The following FAM107B variants were observed in gnomAD, a reference collection of about 807,000 sequenced individuals.
FAM107B encodes protein FAM107B.
FAM107B carries 21 observed loss-of-function variants against 31.5 expected under a neutral mutation model. The observed-to-expected ratio is 0.67, with a 90% confidence interval of 0.47 to 0.96. The LOEUF (loss-of-function observed/expected upper bound fraction) is 0.96, where lower values mean the gene tolerates loss of function less well. Among genes scored for constraint, FAM107B ranks in the 40% least tolerant of loss-of-function variants. The pLI, the probability that FAM107B is intolerant of heterozygous loss-of-function variation, is 0.00. For synonymous variants in FAM107B, 157 were observed against 141.5 expected (o/e 1.11, Z -0.78); for missense variants, 452 against 377.1 (o/e 1.20, Z -1.64).
chr10:14,527,513 TA>T (rs1846417785), intron 3 of FAM107B, among the ~76,000 whole-genome samples: 1 of 152,266 alleles, frequency 6.6e-6, no homozygotes, highest in African/African-American at 2.4e-5. Flanking sequence ...GTAGCAAAGG[TA>T]TAAGTCTCCA....
chr10:14,758,270 T>C (rs1832969189), intron 1 of FAM107B, among the ~76,000 whole-genome samples: 2 of 152,150 alleles, frequency 1.3e-5, no homozygotes, highest in Admixed American at 6.5e-5. Flanking sequence ...CCTTAAGGAA[T>C]TTAGAAAATT....
chr10:14,566,190 A>G (rs188800226), intron 2 of FAM107B, among the ~76,000 whole-genome samples: 146 of 152,336 alleles, frequency 9.6e-4, no homozygotes, highest in African/African-American at 3.4e-3. Context: ...AGAGATAAAA[A>G]ACAGAATCTA....
chr10:14,774,542 T>C lies in FAM107B; in HGVS notation c.122A>G (p.Asn41Ser), dbSNP rs367767032. 6.2e-6 allele frequency: 10 copies of C among 1,614,070 alleles called. No individual in the cohort carries two copies. Among genetic ancestry groups the C allele is most frequent in the South Asian group, 3.3e-5 (3 of 91,092 alleles). ...FGNTRESASF[N>S]QSGVADTHST... ...ATGAGTATCAGCCACGCCGGACTGATTGAAGGAAGCACTCTCCCTCGTATT... is the reference window on the plus strand; with the variant it reads ...ATGAGTATCAGCCACGCCGGACTGACTGAAGGAAGCACTCTCCCTCGTATT... The change falls in exon 1 of 5, where the codon AAT becomes AGT. Residue 41 changes from asparagine to serine, a missense_variant. By Grantham distance (46) the Asn-to-Ser change is conservative. Transcript: ENST00000181796.
intron 1 of FAM107B, among the ~76,000 whole-genome samples, chr10:14,763,405 C>T (rs952659643): frequency 2.6e-5 from 4 of 152,184 alleles, no homozygotes; most frequent in East Asian, 1.9e-4. Flanking sequence ...TCTATTGCAA[C>T]GTATCACCAG....
chr10:14,603,514 A>G (rs1852472778), intron 2 of FAM107B, among the ~76,000 whole-genome samples: 1 of 152,120 alleles, frequency 6.6e-6, no homozygotes, highest in South Asian at 2.1e-4. Flanking sequence ...TCTCAACCTA[A>G]TTCCTCTTGC....
intron 2 of FAM107B, among the ~76,000 whole-genome samples, chr10:14,604,624 C>T (rs1027495511): frequency 3.3e-5 from 5 of 151,734 alleles, no homozygotes; most frequent in Admixed American, 1.3e-4. Flanking sequence ...GGAGCGAGGG[C>T]TGGAGGGAAA....
chr10:14,648,003 A>G (rs1853802687), intron 2 of FAM107B, among the ~76,000 whole-genome samples: 1 of 149,034 alleles, frequency 6.7e-6, no homozygotes, highest in South Asian at 2.1e-4. Flanking sequence ...TTTTAGCGGA[A>G]AAAAAAAAAG....
Position 14,567,697 on chromosome 10 carries a change from C to T in FAM107B, c.470-37182G>A, listed in dbSNP as rs183163534. Reference sequence around the variant, plus strand: ...ATTCAAAAGCAGAGGCAAAGTCCAGCAGGAGCAGAGGGGTTGGAAAGGGAC... The same window carrying T: ...ATTCAAAAGCAGAGGCAAAGTCCAGTAGGAGCAGAGGGGTTGGAAAGGGAC... On this transcript the variant is annotated intron_variant, in intron 2 of 4. Transcript: ENST00000181796. Among the ~76,000 whole-genome samples, 201 of 152,230 alleles carry T rather than the reference C, an allele frequency of 1.3e-3. 1 individual carries two copies. Among genetic ancestry groups the T allele is most frequent in the Non-Finnish European group, 2.6e-3 (178 of 68,010 alleles).
chr10:14,720,281 T>A (rs1463108876), intron 1 of FAM107B, among the ~76,000 whole-genome samples: 1 of 152,124 alleles, frequency 6.6e-6, no homozygotes, highest in Non-Finnish European at 1.5e-5. Flanking sequence ...TGAGAAGGAA[T>A]CTCACTCTGT....
At chr10:14,557,588 A>G (rs112465597) in intron 2 of FAM107B, among the ~76,000 whole-genome samples, 1,621 of 152,360 alleles carry the variant, frequency 0.011, 28 homozygotes, top group African/African-American at 0.037. Flanking sequence ...TAGAAATTAT[A>G]TCAATGATGA....
At chr10:14,726,050 A>G (rs570878549) in intron 1 of FAM107B, among the ~76,000 whole-genome samples, 8 of 150,596 alleles carry the variant, frequency 5.3e-5, no homozygotes, top group Admixed American at 1.3e-4. Flanking sequence ...CTAGAATGCA[A>G]TGGCGCGATC....
intron 2 of FAM107B, chr10:14,548,735 A>G: frequency 1.2e-6 from 1 of 859,852 alleles, no homozygotes; most frequent in Non-Finnish European, 1.4e-6. Context: ...AACGTGCCAG[A>G]AAAATGCAAA....
At chr10:14,651,827 T>G (rs10906731) in intron 2 of FAM107B, among the ~76,000 whole-genome samples, 42,501 of 151,830 alleles carry the variant, frequency 0.28, 7,062 homozygotes, top group African/African-American at 0.45. Flanking sequence ...AAAGACAAGT[T>G]AGGAGATGAT....
At chr10:14,710,920 A>AT (rs58813977) in intron 1 of FAM107B, among the ~76,000 whole-genome samples, 10 of 151,078 alleles carry the variant, frequency 6.6e-5, no homozygotes, top group East Asian at 3.9e-4. Flanking sequence ...TAAAGAAATA[A>AT]TTTTTTTTTT....
intron 2 of FAM107B, among the ~76,000 whole-genome samples, chr10:14,533,930 G>C (rs760816056): frequency 7.4e-5 from 11 of 148,538 alleles, no homozygotes; most frequent in Admixed American, 1.3e-4. Context: ...CGGTGCAGGA[G>C]GGGGGGGCTG....
chr10:14,526,080 C>A (rs1846192629), intron 3 of FAM107B, among the ~76,000 whole-genome samples: 1 of 152,202 alleles, frequency 6.6e-6, no homozygotes. Context: ...GGGGCTCAGA[C>A]CGTCACAGAA....
chr10:14,630,637 G>A (rs961368271), intron 2 of FAM107B, among the ~76,000 whole-genome samples: 4 of 151,566 alleles, frequency 2.6e-5, no homozygotes, highest in Admixed American at 1.3e-4. Context: ...CAGTCTGGGC[G>A]ACTCTAAAAT....
At chr10:14,536,547 AG>A (rs1847630026) in intron 2 of FAM107B, among the ~76,000 whole-genome samples, 1 of 152,218 alleles carries the variant, frequency 6.6e-6, no homozygotes, top group African/African-American at 2.4e-5. Flanking sequence ...CCAGACAGGC[AG>A]GAGCCTGAGT....
intron 2 of FAM107B, chr10:14,572,193 A>T: frequency 1.0e-6 from 1 of 985,480 alleles, no homozygotes; most frequent in Non-Finnish European, 1.2e-6. Flanking sequence ...AAACAATGAA[A>T]AACAAACCGT....
Sources: gnomAD v4.1 joint callset for allele counts (sites outside exome capture counted in the v4.1 genomes callset) on GRCh38, gnomAD v4.1.1 for gene constraint, MANE v1.5 for transcripts, NCBI Gene and HGNC (gene_info 2026-07-23, HGNC 2026-07-21) for gene names.